Variants in FAF1 observed in about 807,000 individuals in gnomAD.
FAF1 encodes Fas associated factor 1.
FAF1 carries 25 observed loss-of-function variants against 92.5 expected under a neutral mutation model. The ratio of observed to expected loss-of-function variants is 0.27; its 90% CI spans 0.20 to 0.38. The LOEUF is 0.38. FAF1 is among the 10% of genes least tolerant of loss of function. The probability of loss-of-function intolerance (pLI) is 1.00; values close to 1 mark genes in which losing one functional copy is unlikely to be tolerated. For synonymous variants in FAF1, 234 were observed against 273.2 expected (o/e 0.86, Z 1.42); for missense variants, 636 against 793.3 (o/e 0.80, Z 2.38).
intron 15 of FAF1, among the ~76,000 whole-genome samples, chr1:50,512,587 G>A (rs1318977031): frequency 6.6e-6 from 1 of 152,074 alleles, no homozygotes; most frequent in Non-Finnish European, 1.5e-5. Flanking sequence ...TGTTCCATTG[G>A]TCTATATATC....
intron 2 of FAF1, among the ~76,000 whole-genome samples, chr1:50,851,171 T>C (rs1269628199): frequency 6.6e-6 from 1 of 151,860 alleles, no homozygotes; most frequent in East Asian, 1.9e-4. Flanking sequence ...ACTTCTGCTT[T>C]CCAGGTTCAA....
chr1:50,494,117 C>A (rs1646872279), intron 15 of FAF1, among the ~76,000 whole-genome samples: 1 of 152,198 alleles, frequency 6.6e-6, no homozygotes, highest in Non-Finnish European at 1.5e-5. Flanking sequence ...TTATCATGGT[C>A]ATAGCTTCTT....
At chr1:50,954,265 G>C (rs1239577441) in intron 1 of FAF1, among the ~76,000 whole-genome samples, 2 of 152,186 alleles carry the variant, frequency 1.3e-5, no homozygotes, top group Non-Finnish European at 2.9e-5. Context: ...GGGCTTCTCA[G>C]AAAGTCTAAA....
At chr1:50,760,993 T>C (rs965025141) in intron 4 of FAF1, among the ~76,000 whole-genome samples, 1 of 152,118 alleles carries the variant, frequency 6.6e-6, no homozygotes, top group African/African-American at 2.4e-5. Context: ...CAATAAAAAA[T>C]GATAAAGGGG....
intron 6 of FAF1, among the ~76,000 whole-genome samples, chr1:50,729,049 TATATATATA>T (rs1658797770): frequency 1.0e-5 from 1 of 95,788 alleles, no homozygotes; most frequent in Non-Finnish European, 2.1e-5. Flanking sequence ...TATATATATA[TATATATATA>T]TTTTTTTTTT....
At chr1:50,824,530 G>C (rs761264669) in intron 2 of FAF1, among the ~76,000 whole-genome samples, 5 of 152,018 alleles carry the variant, frequency 3.3e-5, no homozygotes, top group Non-Finnish European at 7.4e-5. Flanking sequence ...ATATAAATTA[G>C]TACAACTACT....
chr1:50,910,637 G>T (rs539008787), intron 1 of FAF1, among the ~76,000 whole-genome samples: 1 of 151,816 alleles, frequency 6.6e-6, no homozygotes, highest in South Asian at 2.1e-4. Context: ...ATCTCAGACT[G>T]CTGTGCTAGC....
At position 50,625,606 on chromosome 1, in the gene FAF1, T is replaced by G. The variant is rs78781302; in HGVS notation, c.745-29390A>C. Among the ~76,000 whole-genome samples, 100 of 151,722 alleles carry G rather than the reference T, an allele frequency of 6.6e-4. No individual in the cohort carries two copies. The East Asian group carries it at 9.5e-3, about 14-fold the overall frequency. The stretch of plus-strand genomic sequence containing the variant: ...TAATTAAAGAGGAGGGTAGGCGGAG[T>G]GTAAGCACCTTAGAAGAGAAAGAAA... On this transcript the variant is annotated intron_variant, in intron 8 of 18. Transcript: ENST00000396153.
In FAF1 at chr1:50,567,216, T is replaced by C. The variant is rs749975602; in HGVS notation, c.1129A>G (p.Ile377Val). 1.0e-5 allele frequency: 16 copies of C among 1,600,956 alleles called. No individual in the cohort carries two copies. The highest frequency in any genetic ancestry group is 1.7e-4 in the Middle Eastern group (1 of 5,996). Residue 377 changes from isoleucine (I) to valine (V), a missense_variant, in exon 13 of 19, where the codon ATC (isoleucine) becomes GTC (valine). Physicochemically the swap from Ile to Val is conservative, Grantham distance 29. Transcript: ENST00000396153. ...ACACTTTCATCATGGTGGAGGTAGA[T>C]AGCAAGAAGCTTTCTCTGAAAAGAG... The part of the protein sequence containing the change: ...VKARDRKLLA[I>V]YLHHDESVLT...
At chr1:50,659,734 A>G (rs2124307613) in intron 7 of FAF1, among the ~76,000 whole-genome samples, 1 of 152,344 alleles carries the variant, frequency 6.6e-6, no homozygotes, top group Non-Finnish European at 1.5e-5. Flanking sequence ...AACTTACATT[A>G]CAAACTATAC....
chr1:50,850,829 T>G (rs1557558496), intron 2 of FAF1, among the ~76,000 whole-genome samples: 1 of 152,148 alleles, frequency 6.6e-6, no homozygotes, highest in Admixed American at 6.5e-5. Context: ...GAATTTTAAC[T>G]GTCATATTAT....
rs569053844 is a variant in FAF1, at chr1:50,595,273, C to T, written c.840+848G>A. 8.5e-5 allele frequency among the ~76,000 whole-genome samples: 13 copies of T among 152,056 alleles called. No homozygotes were observed. In the South Asian group the frequency reaches 2.5e-3, roughly 29 times the overall value. ...TTCTCCATGTTGGTCAGGCTGGTCTCGAACTCCTGACCTCAGGTGATCCAC... is the reference window on the plus strand; with the variant it reads ...TTCTCCATGTTGGTCAGGCTGGTCTTGAACTCCTGACCTCAGGTGATCCAC... On this transcript the variant is annotated intron_variant, in intron 9 of 18. Transcript: ENST00000396153.
chr1:50,739,375 CATAT>C, intron 5 of FAF1, among the ~76,000 whole-genome samples: 1 of 150,328 alleles, frequency 6.7e-6, no homozygotes, highest in Non-Finnish European at 1.5e-5. Context: ...CACGTACATA[CATAT>C]ACATATATGT....
rs112848454 is a variant in FAF1 at position 50,831,451 on chromosome 1, T to TC, written c.114+26477dup. ...TCATATTGTACTGCAGATACTGGTG[T>TC]CTACATCTGCCTTCCAGTGACACTG... On this transcript the variant is annotated intron_variant, in intron 2 of 18. Coordinates refer to ENST00000396153, the MANE Select transcript of FAF1 (RefSeq NM_007051.3). 1.9e-3 allele frequency among the ~76,000 whole-genome samples: 296 copies of TC among 152,296 alleles called. 1 individual carries two copies. Among genetic ancestry groups the TC allele is most frequent in the African/African-American group, 6.7e-3 (280 of 41,562 alleles).
chr1:50,824,504 T>C lies in FAF1; in HGVS notation c.115-22827A>G, dbSNP rs542527182. Among the ~76,000 whole-genome samples, 22 of 152,292 alleles carry C rather than the reference T, an allele frequency of 1.4e-4. No individual in the cohort carries two copies. The East Asian group carries it at 4.2e-3, about 29-fold the overall frequency. ...AATGCGAAAAAAAAAGGAACACTTGTACATTGTGGGTGGGAATATAAATTA... is the reference window on the plus strand; with the variant it reads ...AATGCGAAAAAAAAAGGAACACTTGCACATTGTGGGTGGGAATATAAATTA... On this transcript the variant is annotated intron_variant, in intron 2 of 18. Transcript: ENST00000396153.
At chr1:50,855,744 C>T (rs1365651868) in intron 2 of FAF1, among the ~76,000 whole-genome samples, 1 of 151,770 alleles carries the variant, frequency 6.6e-6, no homozygotes, top group Non-Finnish European at 1.5e-5. Flanking sequence ...CACAATAAAT[C>T]TTTACTGTGA....
chr1:50,822,057 A>G (rs780532395), intron 2 of FAF1, among the ~76,000 whole-genome samples: 5 of 151,682 alleles, frequency 3.3e-5, no homozygotes, highest in Non-Finnish European at 7.4e-5. Context: ...ATATTTTTGC[A>G]GTAGAAAAGA....
At chr1:50,958,544 G>A (rs1419757160) in intron 1 of FAF1, among the ~76,000 whole-genome samples, 1 of 152,034 alleles carries the variant, frequency 6.6e-6, no homozygotes, top group East Asian at 1.9e-4. Context: ...CAGGCGTGGT[G>A]GCCGGCGCCT....
intron 12 of FAF1, chr1:50,582,343 A>AG (rs1651030887): frequency 2.8e-6 from 1 of 352,498 alleles, no homozygotes; most frequent in South Asian, 6.2e-5. Flanking sequence ...GGTGAAGACT[A>AG]GGTTAGCAGA....
Sources: gnomAD v4.1 joint callset for allele counts (sites outside exome capture counted in the v4.1 genomes callset) on GRCh38, gnomAD v4.1.1 for gene constraint, MANE v1.5 for transcripts, NCBI Gene and HGNC (gene_info 2026-07-23, HGNC 2026-07-21) for gene names.